The following FSHR variants were observed in gnomAD, a reference collection of about 807,000 sequenced individuals.
FSHR encodes the protein follicle-stimulating hormone receptor.
In FSHR, 46 loss-of-function variants were observed where a neutral mutation model predicts 52.1. That is an observed-to-expected ratio of 0.88 (90% CI 0.70 to 1.13). The LOEUF (loss-of-function observed/expected upper bound fraction) is 1.13, where lower values mean the gene tolerates loss of function less well. Among genes scored for constraint, FSHR ranks in the 50% most tolerant of loss-of-function variants. FSHR has a pLI of 0.00. For synonymous variants in FSHR, 399 were observed against 309.6 expected (o/e 1.29, Z -3.03); for missense variants, 964 against 834.6 (o/e 1.16, Z -1.91).
chr2:49,106,945 C>G (rs1351221042), intron 1 of FSHR, among the ~76,000 whole-genome samples: 3 of 152,170 alleles, frequency 2.0e-5, no homozygotes, highest in African/African-American at 4.8e-5. Context: ...CTTTATTATA[C>G]TAATTTACTT....
chr2:49,094,272 G>C (rs1020288781), intron 1 of FSHR, among the ~76,000 whole-genome samples: 3 of 152,080 alleles, frequency 2.0e-5, no homozygotes, highest in Non-Finnish European at 4.4e-5. Flanking sequence ...TGTTGTAATT[G>C]TCATAGGCAT....
At chr2:49,027,626 G>C (rs1400543437) in intron 2 of FSHR, among the ~76,000 whole-genome samples, 1 of 152,094 alleles carries the variant, frequency 6.6e-6, no homozygotes, top group Non-Finnish European at 1.5e-5. Context: ...GAGGTGGGCC[G>C]ATCACTTGAT....
intron 2 of FSHR, among the ~76,000 whole-genome samples, chr2:49,050,260 T>C (rs1174164084): frequency 6.6e-6 from 1 of 152,180 alleles, no homozygotes; most frequent in Non-Finnish European, 1.5e-5. Flanking sequence ...GCAAGCTCAG[T>C]TTGCAAACCC....
rs1382796750 is a variant in FSHR at position 48,963,637 on chromosome 2, G to C, written c.1184C>G (p.Thr395Arg). Reference sequence around the variant, plus strand: ...GTTGCACATAAGGAACCTGGGGACTGTGAGTTTATATTGGCTGGTAGTTAG... The same window carrying C: ...GTTGCACATAAGGAACCTGGGGACTCTGAGTTTATATTGGCTGGTAGTTAG... ...VILTTSQYKL[T>R]VPRFLMCNLA... Residue 395 changes from threonine to arginine, a missense_variant, in exon 10 of 10, where the codon ACA becomes AGA. By Grantham distance (71) the Thr-to-Arg change is moderately conservative. Coordinates refer to ENST00000406846, the MANE Select transcript of FSHR (RefSeq NM_000145.4). 1 of 1,614,078 alleles carries C rather than the reference G, an allele frequency of 6.2e-7. No homozygotes were observed. Among genetic ancestry groups the C allele is most frequent in the Non-Finnish European group, 8.5e-7 (1 of 1,180,034 alleles).
intron 8 of FSHR, 52 bp downstream of exon 8, chr2:48,982,860 C>A: frequency 6.8e-7 from 1 of 1,481,326 alleles, no homozygotes; most frequent in Non-Finnish European, 9.4e-7. Context: ...GAGTTGACTT[C>A]TAACTTACAC....
At chr2:48,989,196 C>A in intron 5 of FSHR, 142 bp from the exon 6 acceptor site, 1 of 654,402 alleles carries the variant, frequency 1.5e-6, no homozygotes, top group Non-Finnish European at 2.7e-6. Context: ...AGATGATCAG[C>A]TCAAAGTTTG....
At chr2:49,104,861 G>T (rs1031547525) in intron 1 of FSHR, among the ~76,000 whole-genome samples, 11 of 151,728 alleles carry the variant, frequency 7.2e-5, no homozygotes, top group Admixed American at 2.0e-4. Flanking sequence ...AGAGATGGGG[G>T]GAGGGGGGGC....
intron 1 of FSHR, among the ~76,000 whole-genome samples, chr2:49,079,160 A>T (rs1051568930): frequency 2.0e-5 from 3 of 152,136 alleles, no homozygotes; most frequent in Non-Finnish European, 4.4e-5. Flanking sequence ...CATATCAAGA[A>T]ATTAGTCTAA....
intron 1 of FSHR, among the ~76,000 whole-genome samples, chr2:49,071,345 T>C (rs960656610): frequency 6.6e-6 from 1 of 152,006 alleles, no homozygotes; most frequent in Non-Finnish European, 1.5e-5. Context: ...TATCTTCAAA[T>C]AAAAAATAAT....
At chr2:49,140,791 A>C (rs1045027727) in intron 1 of FSHR, among the ~76,000 whole-genome samples, 3 of 151,572 alleles carry the variant, frequency 2.0e-5, no homozygotes, top group Non-Finnish European at 4.4e-5. Context: ...TAGATCAATA[A>C]TTTTTTTTTC....
Position 49,075,496 on chromosome 2 carries a change from A to G in FSHR, c.153-7206T>C, listed in dbSNP as rs188384099. Among the ~76,000 whole-genome samples the G allele has an allele frequency of 1.1e-3, 170 of 152,324 alleles. 1 individual carries two copies. The highest frequency in any genetic ancestry group is 3.9e-3 in the African/African-American group (164 of 41,588). On this transcript the variant is annotated intron_variant, in intron 1 of 9. Transcript: ENST00000406846. Reference sequence around the variant, plus strand: ...TTTGGAAGGATTAAGACTAGAAAGAATATTTGTTTATAATCAGCAAAGAAT... The same window carrying G: ...TTTGGAAGGATTAAGACTAGAAAGAGTATTTGTTTATAATCAGCAAAGAAT...
At chr2:49,001,331 T>C (rs1017027041) in intron 4 of FSHR, among the ~76,000 whole-genome samples, 2 of 152,114 alleles carry the variant, frequency 1.3e-5, no homozygotes, top group Non-Finnish European at 2.9e-5. Context: ...TGATAGAAAG[T>C]AGAACAGATG....
In FSHR at chr2:48,990,777, T is replaced by G. The variant is rs2072486; in HGVS notation, c.375-140A>C. ...GAGAAAAGCCCGTATATACGTGAAT[T>G]AGGCTCATGTTTTCTATTTTAAGGT... On this transcript the variant is annotated intron_variant, in intron 4 of 9. Transcript: ENST00000406846. The G allele has an allele frequency of 0.46, 311,865 of 674,878 alleles. 75,040 individuals are homozygous for G. The highest frequency in any genetic ancestry group is 0.5 in the Non-Finnish European group (188,860 of 374,898). The allele number at this position is 674,878 out of a possible 1,614,324, so 41.8% of individuals were successfully genotyped here. A position where few individuals can be genotyped will look rare whatever the true frequency, so the allele number is the denominator to read the frequency against.
intron 8 of FSHR, among the ~76,000 whole-genome samples, chr2:48,974,483 G>C (rs1464808382): frequency 6.6e-6 from 1 of 152,184 alleles, no homozygotes; most frequent in Non-Finnish European, 1.5e-5. Context: ...CAGTGCCCTG[G>C]GATTGAGATC....
At chr2:49,139,784 G>A (rs570994261) in intron 1 of FSHR, among the ~76,000 whole-genome samples, 18 of 151,980 alleles carry the variant, frequency 1.2e-4, no homozygotes, top group Non-Finnish European at 1.8e-4. Flanking sequence ...TTTTTTAGTA[G>A]AGACAGGTTT....
At chr2:49,068,679 T>G (rs1669607761) in intron 1 of FSHR, among the ~76,000 whole-genome samples, 1 of 152,124 alleles carries the variant, frequency 6.6e-6, no homozygotes, top group Non-Finnish European at 1.5e-5. Context: ...TCAGCTGACC[T>G]TGCCTTCTAT....
At chr2:49,047,492 G>A (rs1668704610) in intron 2 of FSHR, among the ~76,000 whole-genome samples, 1 of 152,234 alleles carries the variant, frequency 6.6e-6, no homozygotes, top group South Asian at 2.1e-4. Flanking sequence ...TTAAGTGTAT[G>A]TACACACAGA....
In FSHR at chr2:49,154,446, C is replaced by T. The variant is rs1394205; in HGVS notation, c.-29G>A. 0.29 allele frequency: 466,025 copies of T among 1,609,736 alleles called. 70,533 individuals carry two copies. The highest frequency in any genetic ancestry group is 0.48 in the East Asian group (21,470 of 44,804). On this transcript the variant is annotated 5_prime_UTR_variant, in exon 1 of 10. Transcript: ENST00000406846. ...TATGCATCCATCCACCTGATTTCTT[C>T]CTGCATTTGCAGAGAAAAACCTCCA... is the stretch of plus-strand genomic sequence containing the variant.
At chr2:49,070,266 C>T (rs753493847) in intron 1 of FSHR, among the ~76,000 whole-genome samples, 1 of 152,060 alleles carries the variant, frequency 6.6e-6, no homozygotes, top group Non-Finnish European at 1.5e-5. Context: ...ACCCAAGCCT[C>T]AAAAATATTA....
Sources: allele counts gnomAD v4.1 joint callset (sites outside exome capture counted in the v4.1 genomes callset), GRCh38; gene constraint gnomAD v4.1.1; transcripts MANE v1.5; gene names NCBI Gene and HGNC (gene_info 2026-07-23, HGNC 2026-07-21).